PRKCH: variants seen among roughly 807,000 people sequenced by gnomAD.
The protein encoded by PRKCH is protein kinase C eta.
Under a neutral mutation model 82.5 loss-of-function variants are expected in PRKCH, and 28 were observed. The observed-to-expected ratio is 0.34, with a 90% confidence interval of 0.25 to 0.47. The LOEUF is 0.47. Among genes scored for constraint, PRKCH ranks in the 20% least tolerant of loss-of-function variants. PRKCH has a pLI of 1.00. For missense variants in PRKCH, 705 were observed against 881.8 expected (o/e 0.80, Z 2.54); for synonymous variants, 322 against 327.4 (o/e 0.98, Z 0.18).
intron 1 of PRKCH, among the ~76,000 whole-genome samples, chr14:61,386,843 T>G (rs1237195029): frequency 6.6e-6 from 1 of 152,214 alleles, no homozygotes; most frequent in Non-Finnish European, 1.5e-5. Flanking sequence ...CTATTCTCTT[T>G]GGCTGACAAT....
chr14:61,489,702 G>A (rs946109802), intron 10 of PRKCH, among the ~76,000 whole-genome samples: 5 of 152,186 alleles, frequency 3.3e-5, no homozygotes, highest in Non-Finnish European at 7.3e-5. Flanking sequence ...CTTTTGTCCT[G>A]GGCTTCTTGG....
intron 9 of PRKCH, among the ~76,000 whole-genome samples, chr14:61,458,600 A>G (rs564823069): frequency 2.0e-5 from 3 of 152,300 alleles, no homozygotes; most frequent in South Asian, 2.1e-4. Flanking sequence ...CATTGCTACA[A>G]AGAACTACCT....
intron 1 of PRKCH, among the ~76,000 whole-genome samples, chr14:61,211,385 G>A (rs964578753): frequency 2.0e-5 from 3 of 152,176 alleles, no homozygotes; most frequent in African/African-American, 7.2e-5. Flanking sequence ...CCAGAAACAA[G>A]AAGAGAAAGA....
At chr14:61,516,378 C>G (rs1370339093) in intron 10 of PRKCH, among the ~76,000 whole-genome samples, 1 of 152,112 alleles carries the variant, frequency 6.6e-6, no homozygotes, top group Non-Finnish European at 1.5e-5. Flanking sequence ...AAGTAACACA[C>G]ATAGGCTAAA....
chr14:61,281,054 C>T (rs1016764308), intron 1 of PRKCH: 1 of 1,522,706 alleles, frequency 6.6e-7, no homozygotes. Flanking sequence ...GCGATGCTGG[C>T]CGACAGCAGC....
At chr14:61,519,824 C>T (rs1046006148) in intron 10 of PRKCH, among the ~76,000 whole-genome samples, 14 of 151,702 alleles carry the variant, frequency 9.2e-5, no homozygotes, top group Admixed American at 2.0e-4. Flanking sequence ...ATATAAATGC[C>T]ATCCACGACA....
At chr14:61,366,489 G>T (rs1251653087) in intron 1 of PRKCH, among the ~76,000 whole-genome samples, 1 of 152,066 alleles carries the variant, frequency 6.6e-6, no homozygotes, top group Admixed American at 6.5e-5. Flanking sequence ...AAAATATTTT[G>T]TCACGTATGG....
chr14:61,245,895 G>C (rs942217187), intron 1 of PRKCH, among the ~76,000 whole-genome samples: 1 of 152,192 alleles, frequency 6.6e-6, no homozygotes, highest in Admixed American at 6.5e-5. Context: ...GAGCAGATCT[G>C]GGAGGATGGA....
intron 10 of PRKCH, among the ~76,000 whole-genome samples, chr14:61,501,219 TAAG>T (rs1467785902): frequency 6.6e-6 from 1 of 152,104 alleles, no homozygotes; most frequent in Non-Finnish European, 1.5e-5. Context: ...TATCAGTTGT[TAAG>T]AAGAAAAGTG....
At chr14:61,328,144 G>C (rs1385577541) in intron 1 of PRKCH, among the ~76,000 whole-genome samples, 2 of 151,516 alleles carry the variant, frequency 1.3e-5, no homozygotes, top group Non-Finnish European at 2.9e-5. Flanking sequence ...CAGCTACTCG[G>C]GAGGCTGAGG....
intron 1 of PRKCH, among the ~76,000 whole-genome samples, chr14:61,272,604 C>A (rs1244161855): frequency 6.6e-6 from 1 of 152,002 alleles, no homozygotes; most frequent in African/African-American, 2.4e-5. Context: ...GATCCACCTG[C>A]CTCGGCCTCC....
chr14:61,456,667 G>C (rs942015846), intron 7 of PRKCH, among the ~76,000 whole-genome samples: 1 of 152,128 alleles, frequency 6.6e-6, no homozygotes, highest in Non-Finnish European at 1.5e-5. Context: ...TATTCTTCAT[G>C]CTTTTGATCA....
At chr14:61,360,004 C>G (rs1272470576) in intron 1 of PRKCH, among the ~76,000 whole-genome samples, 1 of 152,192 alleles carries the variant, frequency 6.6e-6, no homozygotes, top group Non-Finnish European at 1.5e-5. Flanking sequence ...ACTGGGAACA[C>G]CAGATACTTA....
At chr14:61,535,823 T>C (rs761671073) in intron 12 of PRKCH, among the ~76,000 whole-genome samples, 40 of 152,022 alleles carry the variant, frequency 2.6e-4, no homozygotes, top group Non-Finnish European at 5.6e-4. Context: ...AATCCAGGAG[T>C]TGTGGGGAGA....
intron 1 of PRKCH, among the ~76,000 whole-genome samples, chr14:61,379,858 A>T (rs988129026): frequency 7.9e-5 from 12 of 152,212 alleles, no homozygotes; most frequent in Admixed American, 6.5e-5. Flanking sequence ...TCTACTTAGC[A>T]GAAACGAGGA....
intron 9 of PRKCH, among the ~76,000 whole-genome samples, chr14:61,469,083 A>G (rs1227994993): frequency 1.3e-5 from 2 of 152,180 alleles, no homozygotes; most frequent in Non-Finnish European, 2.9e-5. Flanking sequence ...ATGCTAGGCA[A>G]AAGAAACAGT....
At chr14:61,303,084 C>T (rs2045460214) in intron 1 of PRKCH, 1 of 144,738 alleles carries the variant, frequency 6.9e-6, no homozygotes, top group Non-Finnish European at 1.5e-5. Flanking sequence ...ATGATCTGAT[C>T]ACAGCTCATT....
At chr14:61,234,069 C>T (rs114522442) in intron 1 of PRKCH, among the ~76,000 whole-genome samples, 255 of 152,342 alleles carry the variant, frequency 1.7e-3, no homozygotes, top group African/African-American at 5.8e-3. Context: ...TCAATCCACT[C>T]CTATTTAGAT....
intron 1 of PRKCH, among the ~76,000 whole-genome samples, chr14:61,251,838 T>C (rs796346399): frequency 6.6e-6 from 1 of 150,984 alleles, no homozygotes; most frequent in African/African-American, 2.4e-5. Flanking sequence ...AAGGGTCTTT[T>C]TTTTTTTTTT....
Sources: allele counts gnomAD v4.1 joint callset (sites outside exome capture counted in the v4.1 genomes callset), GRCh38; gene constraint gnomAD v4.1.1; transcripts MANE v1.5; gene names NCBI Gene and HGNC (gene_info 2026-07-23, HGNC 2026-07-21).